The following EDIL3 variants were observed in gnomAD, a reference collection of about 807,000 sequenced individuals.
EDIL3 encodes EGF like and discoidin domains 3, also known as EGF-like repeat and discoidin I-like domain-containing protein 3.
Under a neutral mutation model 67.4 loss-of-function variants are expected in EDIL3, and 37 were observed. The ratio of observed to expected loss-of-function variants is 0.55; its 90% CI spans 0.42 to 0.72. The LOEUF (loss-of-function observed/expected upper bound fraction) is 0.72, where lower values mean the gene tolerates loss of function less well. Among genes scored for constraint, EDIL3 ranks in the 30% least tolerant of loss-of-function variants. The pLI is 0.00. For missense variants in EDIL3, 527 were observed against 586.3 expected (o/e 0.90, Z 1.04); for synonymous variants, 195 against 196.3 (o/e 0.99, Z 0.05).
At chr5:84,088,726 A>G (rs1427615373) in intron 6 of EDIL3, among the ~76,000 whole-genome samples, 3 of 152,072 alleles carry the variant, frequency 2.0e-5, no homozygotes, top group Non-Finnish European at 4.4e-5. Flanking sequence ...TTGTGGGGGG[A>G]AAAAGGAGAG....
At chr5:84,059,429 G>GAGAGA (rs1746504357) in intron 9 of EDIL3, among the ~76,000 whole-genome samples, 1 of 152,074 alleles carries the variant, frequency 6.6e-6, no homozygotes, top group Non-Finnish European at 1.5e-5. Context: ...GAGCAGAGAG[G>GAGAGA]AGAGAAGAGA....
chr5:84,022,009 C>T (rs1327581206), intron 9 of EDIL3, among the ~76,000 whole-genome samples: 1 of 151,832 alleles, frequency 6.6e-6, no homozygotes, highest in Non-Finnish European at 1.5e-5. Context: ...CCAAGTTATT[C>T]CAAATAATTG....
At chr5:84,030,190 T>C (rs1745893700) in intron 9 of EDIL3, among the ~76,000 whole-genome samples, 2 of 152,238 alleles carry the variant, frequency 1.3e-5, no homozygotes, top group African/African-American at 4.8e-5. Flanking sequence ...AAAGATACTT[T>C]TGTTTTTCTT....
intron 1 of EDIL3, among the ~76,000 whole-genome samples, chr5:84,322,907 G>A (rs142320518): frequency 1.1e-4 from 17 of 151,954 alleles, no homozygotes; most frequent in Non-Finnish European, 1.6e-4. Flanking sequence ...GGCAGTGGGC[G>A]ATATATTGAA....
At chr5:84,325,320 A>G (rs985534434) in intron 1 of EDIL3, among the ~76,000 whole-genome samples, 2 of 151,968 alleles carry the variant, frequency 1.3e-5, no homozygotes, top group African/African-American at 4.8e-5. Context: ...TAAAATGAGC[A>G]AATGATCTGG....
intron 1 of EDIL3, among the ~76,000 whole-genome samples, chr5:84,276,479 C>T (rs921596488): frequency 1.3e-5 from 2 of 152,096 alleles, no homozygotes; most frequent in Non-Finnish European, 2.9e-5. Flanking sequence ...TTAATCGTTT[C>T]CTTCATAATC....
chr5:84,007,144 C>A (rs56269573), intron 9 of EDIL3, among the ~76,000 whole-genome samples: 17,542 of 152,062 alleles, frequency 0.12, 2,463 homozygotes, highest in African/African-American at 0.34. Flanking sequence ...TCCAAAGATA[C>A]AAGATTTAAA....
intron 4 of EDIL3, among the ~76,000 whole-genome samples, chr5:84,151,838 A>T (rs545738609): frequency 9.2e-5 from 14 of 151,902 alleles, no homozygotes; most frequent in African/African-American, 3.1e-4. Context: ...CCTATGATCT[A>T]TTCAAGAGAT....
At chr5:84,147,779 G>A (rs1748315000) in intron 4 of EDIL3, among the ~76,000 whole-genome samples, 1 of 149,812 alleles carries the variant, frequency 6.7e-6, no homozygotes, top group Admixed American at 6.7e-5. Flanking sequence ...AAGCTTGTAA[G>A]TAATGTTACA....
intron 5 of EDIL3, among the ~76,000 whole-genome samples, chr5:84,124,374 AT>A (rs781768230): frequency 6.6e-6 from 1 of 151,944 alleles, no homozygotes; most frequent in Non-Finnish European, 1.5e-5. Context: ...TGAATAATTA[AT>A]TTTGTGGTTC....
At chr5:84,010,547 T>A (rs4235657) in intron 9 of EDIL3, among the ~76,000 whole-genome samples, 1 of 152,060 alleles carries the variant, frequency 6.6e-6, no homozygotes, top group African/African-American at 2.4e-5. Context: ...GTAGTTTTTA[T>A]AAATGTAAGG....
intron 1 of EDIL3, among the ~76,000 whole-genome samples, chr5:84,350,539 T>C (rs1747333222): frequency 6.6e-6 from 1 of 152,086 alleles, no homozygotes; most frequent in South Asian, 2.1e-4. Flanking sequence ...AGGCCAATCA[T>C]TTATTTGATG....
chr5:83,950,886 T>C (rs1261920589), intron 10 of EDIL3, among the ~76,000 whole-genome samples: 1 of 151,806 alleles, frequency 6.6e-6, no homozygotes, highest in Non-Finnish European at 1.5e-5. Flanking sequence ...GAAACTGCAG[T>C]CAGATTTTCT....
intron 1 of EDIL3, among the ~76,000 whole-genome samples, chr5:84,335,942 G>C (rs1746976880): frequency 6.6e-6 from 1 of 152,190 alleles, no homozygotes; most frequent in Non-Finnish European, 1.5e-5. Context: ...TCCTCAGATG[G>C]AGGAAGGTGG....
intron 4 of EDIL3, among the ~76,000 whole-genome samples, chr5:84,169,033 C>G (rs988061242): frequency 2.6e-5 from 4 of 152,064 alleles, no homozygotes; most frequent in Admixed American, 2.6e-4. Context: ...TCAATACTTG[C>G]TAATCCTTGT....
At chr5:83,987,869 G>GTGTATATA (rs1418733698) in intron 9 of EDIL3, among the ~76,000 whole-genome samples, 5 of 138,422 alleles carry the variant, frequency 3.6e-5, no homozygotes, top group African/African-American at 1.4e-4. Context: ...GTGTGTGTAT[G>GTGTATATA]TATATATATA....
chr5:84,014,625 C>T (rs968096470), intron 9 of EDIL3, among the ~76,000 whole-genome samples: 1 of 152,076 alleles, frequency 6.6e-6, no homozygotes, highest in Non-Finnish European at 1.5e-5. Flanking sequence ...AGCCTGGAGA[C>T]AGAGCGAGAC....
intron 5 of EDIL3, among the ~76,000 whole-genome samples, chr5:84,126,575 CATGT>C (rs940716096): frequency 6.6e-6 from 1 of 151,968 alleles, no homozygotes; most frequent in African/African-American, 2.4e-5. Context: ...ACATTTGTGA[CATGT>C]ATTATGTGAA....
chr5:84,010,171 G>C (rs980260579), intron 9 of EDIL3, among the ~76,000 whole-genome samples: 2 of 152,172 alleles, frequency 1.3e-5, no homozygotes, highest in Non-Finnish European at 2.9e-5. Flanking sequence ...TGTGTTTGGA[G>C]TTTAATGTTT....
Sources: gnomAD v4.1 joint callset for allele counts (sites outside exome capture counted in the v4.1 genomes callset) on GRCh38, gnomAD v4.1.1 for gene constraint, MANE v1.5 for transcripts, NCBI Gene and HGNC (gene_info 2026-07-23, HGNC 2026-07-21) for gene names.